Variants in CAP2 observed in about 807,000 individuals in gnomAD.
CAP2 encodes the protein adenylyl cyclase-associated protein 2.
In CAP2, 24 loss-of-function variants were observed where a neutral mutation model predicts 57.7. That is an observed-to-expected ratio of 0.42 (90% CI 0.30 to 0.58). The LOEUF is 0.58. Ranked by LOEUF, CAP2 falls within the 20% of genes least tolerant of loss-of-function variation. The pLI is 0.22. For synonymous variants in CAP2, 194 were observed against 207.2 expected (o/e 0.94, Z 0.55); for missense variants, 501 against 590.3 (o/e 0.85, Z 1.57).
intron 3 of CAP2, among the ~76,000 whole-genome samples, chr6:17,452,383 T>G (rs1441417869): frequency 6.6e-6 from 1 of 152,358 alleles, no homozygotes; most frequent in East Asian, 1.9e-4. Flanking sequence ...TCGATGGCAC[T>G]TCTGGCTTAC....
chr6:17,455,034 C>T (rs146034438), intron 3 of CAP2, among the ~76,000 whole-genome samples: 124 of 152,232 alleles, frequency 8.1e-4, no homozygotes, highest in African/African-American at 2.8e-3. Context: ...GGAGAGCCCC[C>T]GCTCCAGGAA....
At chr6:17,554,940 G>T (rs1984516) in intron 12 of CAP2, among the ~76,000 whole-genome samples, 89,503 of 152,074 alleles carry the variant, frequency 0.59, 26,806 homozygotes, top group African/African-American at 0.7. Context: ...CTGTACGTGT[G>T]TGTACGTGTA....
intron 12 of CAP2, among the ~76,000 whole-genome samples, chr6:17,552,747 G>A (rs892939474): frequency 4.6e-5 from 7 of 152,178 alleles, no homozygotes; most frequent in Non-Finnish European, 7.3e-5. Context: ...ACATCTGGAA[G>A]AGGAGCTCCC....
intron 1 of CAP2, among the ~76,000 whole-genome samples, chr6:17,404,095 T>C (rs1364617426): frequency 3.9e-5 from 6 of 152,232 alleles, no homozygotes; most frequent in African/African-American, 7.2e-5. Context: ...TAGCTCAGTA[T>C]TGGTAAATGA....
chr6:17,474,192 T>G (rs968996596), intron 4 of CAP2, among the ~76,000 whole-genome samples: 4 of 145,504 alleles, frequency 2.7e-5, no homozygotes, highest in African/African-American at 1.0e-4. Context: ...AGTCTTTTTT[T>G]TTTTTTTTTT....
At chr6:17,445,834 C>G (rs1219610944) in intron 3 of CAP2, among the ~76,000 whole-genome samples, 1 of 152,186 alleles carries the variant, frequency 6.6e-6, no homozygotes, top group Non-Finnish European at 1.5e-5. Context: ...TGGTTGGGCT[C>G]CCATGGAAAG....
intron 4 of CAP2, among the ~76,000 whole-genome samples, chr6:17,502,075 G>A (rs1177465218): frequency 6.6e-6 from 1 of 152,196 alleles, no homozygotes; most frequent in Admixed American, 6.5e-5. Context: ...TCATTGCAAA[G>A]CACACTAGCT....
At chr6:17,426,718 TAG>T (rs1561779152) in intron 3 of CAP2, 28 bp downstream of exon 3, 2 of 1,496,976 alleles carry the variant, frequency 1.3e-6, no homozygotes, top group Admixed American at 1.7e-5. Flanking sequence ...CTGTTCTCAG[TAG>T]AGAGTTTAAA....
rs1763314351 is a variant in CAP2, at chr6:17,556,353, T to C, written c.1351-6T>C. On this transcript the variant is annotated splice_region_variant and splice_polypyrimidine_tract_variant and intron_variant, in intron 12 of 12. Coordinates refer to ENST00000229922, the MANE Select transcript of CAP2 (RefSeq NM_006366.3). Reference sequence around the variant, plus strand: ...AAATAACTTTGTTGTTCTTGCCTTTTTCCAGAGAGAATTTCCCATTCCTGA... The same window carrying C: ...AAATAACTTTGTTGTTCTTGCCTTTCTCCAGAGAGAATTTCCCATTCCTGA... The C allele has an allele frequency of 6.2e-7, 1 of 1,605,882 alleles. No homozygotes were observed. The highest frequency in any genetic ancestry group is 8.5e-7 in the Non-Finnish European group (1 of 1,172,750).
intron 7 of CAP2, among the ~76,000 whole-genome samples, chr6:17,520,083 AT>A (rs1315964674): frequency 6.6e-6 from 1 of 151,578 alleles, no homozygotes; most frequent in South Asian, 2.1e-4. Context: ...ATGTAGTTCT[AT>A]TTTTTTTGTT....
rs1473224647 is a variant in CAP2, at chr6:17,557,694, G to A, written c.*1252G>A. 6.6e-6 allele frequency: 1 copy of A among 152,072 alleles called. No individual in the cohort carries two copies. Among genetic ancestry groups the A allele is most frequent in the Admixed American group, 6.5e-5 (1 of 15,268 alleles). 9.4% of individuals were successfully genotyped at this position (152,072 alleles called of 1,614,324 possible). On this transcript the variant is annotated 3_prime_UTR_variant, in exon 13 of 13. Coordinates refer to ENST00000229922, the MANE Select transcript of CAP2 (RefSeq NM_006366.3). Reference sequence around the variant, plus strand: ...ACCAAGGTTTTGCTATAAAAGTTTTGTCTGTATGAATAATGTGGCTTTAGT... The same window carrying A: ...ACCAAGGTTTTGCTATAAAAGTTTTATCTGTATGAATAATGTGGCTTTAGT...
rs1554122609 is a variant in CAP2 at position 17,438,431 on chromosome 6, G to GTATT, written c.222+11742_222+11743insATTT. 4.6e-4 allele frequency among the ~76,000 whole-genome samples: 39 copies of GTATT among 85,478 alleles called. 2 individuals are homozygous for GTATT. Among genetic ancestry groups the GTATT allele is most frequent in the African/African-American group, 2.3e-3 (37 of 16,026 alleles). 56.1% of individuals were successfully genotyped at this position (85,478 alleles called of 152,430 possible). Reference sequence around the variant, plus strand: ...TGTTTGCTTGTTTGACCATCCAGAAGTGTTTTTTTTTTTTTTTTTTTTTTT... The same window carrying GTATT: ...TGTTTGCTTGTTTGACCATCCAGAAGTATTTGTTTTTTTTTTTTTTTTTTTTTTT... On this transcript the variant is annotated intron_variant, in intron 3 of 12. Coordinates refer to ENST00000229922, the MANE Select transcript of CAP2 (RefSeq NM_006366.3).
intron 4 of CAP2, among the ~76,000 whole-genome samples, chr6:17,497,738 C>T (rs886825612): frequency 6.6e-6 from 1 of 152,202 alleles, no homozygotes; most frequent in Non-Finnish European, 1.5e-5. Flanking sequence ...GTTGGCTGCA[C>T]ACTGATGCAT....
intron 7 of CAP2, among the ~76,000 whole-genome samples, chr6:17,529,498 G>A (rs936249678): frequency 1.1e-4 from 16 of 151,800 alleles, no homozygotes; most frequent in African/African-American, 3.4e-4. Flanking sequence ...AAAACTAGCC[G>A]GGCATGGTGG....
intron 3 of CAP2, among the ~76,000 whole-genome samples, chr6:17,432,832 A>G (rs1265260144): frequency 8.7e-6 from 1 of 114,622 alleles, no homozygotes; most frequent in Non-Finnish European, 1.8e-5. Context: ...TTCCTTCCCT[A>G]CTTCCTTCTC....
chr6:17,509,925 CG>C (rs1403707122), intron 6 of CAP2, among the ~76,000 whole-genome samples: 1 of 151,812 alleles, frequency 6.6e-6, no homozygotes, highest in Non-Finnish European at 1.5e-5. Flanking sequence ...TTCTTTTATT[CG>C]GGCAGCAGCA....
rs917684413 is a variant in CAP2 at position 17,515,079 on chromosome 6, C to T, written c.636+1125C>T. 4.0e-5 allele frequency among the ~76,000 whole-genome samples: 6 copies of T among 151,834 alleles called. 1 individual carries two copies. The highest frequency in any genetic ancestry group is 3.3e-4 in the Admixed American group (5 of 15,244). Reference sequence around the variant, plus strand: ...CGAGCGTGGTGGTGCACGCCATAATCCCAGCTACTCAGGAGGCTGAGGCAA... The same window carrying T: ...CGAGCGTGGTGGTGCACGCCATAATTCCAGCTACTCAGGAGGCTGAGGCAA... On this transcript the variant is annotated intron_variant, in intron 7 of 12. Coordinates refer to ENST00000229922, the MANE Select transcript of CAP2 (RefSeq NM_006366.3).
At chr6:17,446,425 G>T (rs552332934) in intron 3 of CAP2, among the ~76,000 whole-genome samples, 11 of 152,206 alleles carry the variant, frequency 7.2e-5, no homozygotes, top group Admixed American at 2.0e-4. Flanking sequence ...CTGCTTTGGT[G>T]CTTAGCAACC....
At chr6:17,434,375 C>A (rs910749079) in intron 3 of CAP2, among the ~76,000 whole-genome samples, 3 of 151,828 alleles carry the variant, frequency 2.0e-5, no homozygotes, top group Non-Finnish European at 4.4e-5. Flanking sequence ...ACTATAGACC[C>A]GCACCACCAA....
Sources: gnomAD v4.1 joint callset for allele counts (sites outside exome capture counted in the v4.1 genomes callset) on GRCh38, gnomAD v4.1.1 for gene constraint, MANE v1.5 for transcripts, NCBI Gene and HGNC (gene_info 2026-07-23, HGNC 2026-07-21) for gene names.